The following SMG6 variants were observed in gnomAD, a reference collection of about 807,000 sequenced individuals.
SMG6 encodes SMG6 nonsense mediated mRNA decay factor, also known as telomerase-binding protein EST1A.
Under a neutral mutation model 142.2 loss-of-function variants are expected in SMG6, and 66 were observed. The ratio of observed to expected loss-of-function variants is 0.46; its 90% CI spans 0.38 to 0.57. The LOEUF is 0.57. Ranked by LOEUF, SMG6 falls within the 20% of genes least tolerant of loss-of-function variation. The pLI is 0.00. For synonymous variants in SMG6, 779 were observed against 702.4 expected (o/e 1.11, Z -1.72); for missense variants, 1,793 against 1,832.0 (o/e 0.98, Z 0.39).
chr17:2,203,434 A>G (rs2072591045), intron 10 of SMG6, among the ~76,000 whole-genome samples: 1 of 152,164 alleles, frequency 6.6e-6, no homozygotes, highest in African/African-American at 2.4e-5. Context: ...ATCTTGCAGG[A>G]CAGAGTTTCT....
chr17:2,073,187 G>C (rs185147983), intron 15 of SMG6, among the ~76,000 whole-genome samples: 1 of 151,970 alleles, frequency 6.6e-6, no homozygotes, highest in Non-Finnish European at 1.5e-5. Flanking sequence ...AGATTCAAGC[G>C]ATTCTCCTGC....
At chr17:2,062,885 T>C (rs963248090) in intron 18 of SMG6, 6 of 151,298 alleles carry the variant, frequency 4.0e-5, no homozygotes, top group African/African-American at 1.5e-4. Flanking sequence ...GTTTGTGGGG[T>C]TGGTGGTGGC....
intron 13 of SMG6, among the ~76,000 whole-genome samples, chr17:2,143,732 T>G (rs2070563659): frequency 6.6e-6 from 1 of 152,254 alleles, no homozygotes; most frequent in South Asian, 2.1e-4. Context: ...ATGTGAATCA[T>G]ATCTCAATAA....
intron 10 of SMG6, among the ~76,000 whole-genome samples, chr17:2,189,778 A>C (rs953106750): frequency 3.3e-5 from 5 of 151,922 alleles, no homozygotes; most frequent in African/African-American, 1.2e-4. Flanking sequence ...GCCCCAACCC[A>C]CTTCTGAAAG....
intron 13 of SMG6, among the ~76,000 whole-genome samples, chr17:2,150,135 C>T (rs555028939): frequency 5.3e-5 from 8 of 152,326 alleles, no homozygotes; most frequent in Middle Eastern, 3.4e-3. Context: ...GCCTGAGCTC[C>T]GCCTCCTGTC....
At chr17:2,250,367 T>C (rs2074019496) in intron 8 of SMG6, among the ~76,000 whole-genome samples, 1 of 151,890 alleles carries the variant, frequency 6.6e-6, no homozygotes, top group Non-Finnish European at 1.5e-5. Context: ...CTTATCTGTA[T>C]GGAATGTCTC....
At position 2,188,515 on chromosome 17, in the gene SMG6, T is replaced by A. The variant is rs755866476; in HGVS notation, c.2870A>T (p.Asp957Val). ...AGAGCGGCACTCCTCCGAGAAGCAGTCTGCGGACAGGCAAATGAAACTCTC... is the reference window on the plus strand; with the variant it reads ...AGAGCGGCACTCCTCCGAGAAGCAGACTGCGGACAGGCAAATGAAACTCTC... The part of the protein sequence containing the change: ...MFAVHNSQLK[D>V]CFSEECRSVI... Residue 957 changes from aspartate to valine, a missense_variant and splice_region_variant, in exon 11 of 19, where the codon GAC becomes GTC. Physicochemically the swap from Asp to Val is radical, Grantham distance 152. This residue lies in a region of SMG6 where 1,597 missense variants were observed against 1,584.6 expected (regional missense o/e 1.01). Transcript: ENST00000263073. The A allele has an allele frequency of 6.2e-7, 1 of 1,612,958 alleles. No homozygotes were observed. Among genetic ancestry groups the A allele is most frequent in the Non-Finnish European group, 8.5e-7 (1 of 1,179,624 alleles).
chr17:2,287,934 T>A (rs945280638), intron 6 of SMG6, among the ~76,000 whole-genome samples: 1 of 152,120 alleles, frequency 6.6e-6, no homozygotes, highest in Non-Finnish European at 1.5e-5. Context: ...GATATGGAGT[T>A]CCAGTTTTGT....
chr17:2,138,152 GA>G (rs36023293), intron 13 of SMG6, among the ~76,000 whole-genome samples: 9 of 145,018 alleles, frequency 6.2e-5, no homozygotes, highest in Admixed American at 6.9e-5. Context: ...TAGGAGGCAG[GA>G]AAAAAAAAAC....
chr17:2,158,326 A>C (rs1178267644), intron 13 of SMG6, among the ~76,000 whole-genome samples: 2 of 152,148 alleles, frequency 1.3e-5, no homozygotes, highest in Non-Finnish European at 2.9e-5. Flanking sequence ...TCTTCACTTT[A>C]GAGAGGGGTG....
Position 2,061,176 on chromosome 17 carries a change from A to C in SMG6, c.*316T>G. The C allele has an allele frequency of 1.5e-5, 4 of 267,692 alleles. No homozygotes were observed. The highest frequency in any genetic ancestry group is 7.4e-6 in the Non-Finnish European group (1 of 134,792). The allele number at this position is 267,692 out of a possible 1,614,324, so 16.6% of individuals were successfully genotyped here. On this transcript the variant is annotated 3_prime_UTR_variant, in exon 19 of 19. Transcript: ENST00000263073. ...GAGAAGGCCCTCCCTCAGCCTTGGA[A>C]TGAGACGGGGGAGGGAGAAAGGCTG...
intron 4 of SMG6, among the ~76,000 whole-genome samples, chr17:2,294,477 T>C (rs988105650): frequency 4.6e-5 from 7 of 152,310 alleles, no homozygotes; most frequent in Admixed American, 4.6e-4. Context: ...TCCCGGTCAC[T>C]TTCTGTACCT....
At chr17:2,260,687 T>A (rs552287992) in intron 8 of SMG6, among the ~76,000 whole-genome samples, 4 of 152,094 alleles carry the variant, frequency 2.6e-5, no homozygotes, top group East Asian at 1.9e-4. Context: ...TAGAAAAAAA[T>A]TTGAGTTTAG....
chr17:2,300,193 G>A lies in SMG6; in HGVS notation c.560C>T (p.Ala187Val), dbSNP rs749847056. ...VEEDECRGNVAKEEVANKPDR... is the reference protein window; with the variant it reads ...VEEDECRGNVVKEEVANKPDR... ...TGGTTTATTCGCAACTTCCTCCTTC[G>A]CAACATTTCCCCTACACTCATCTTC... The change falls in exon 2 of 19, where the codon GCG (alanine) becomes GTG (valine). Residue 187 changes from alanine (A) to valine (V), a missense_variant. Ala to Val is a moderately conservative substitution (Grantham distance 64). Around this residue, in one of 3 missense-constraint regions of SMG6, gnomAD observed 1,597 missense variants for 1,584.6 expected, o/e 1.01. Coordinates refer to ENST00000263073, the MANE Select transcript of SMG6 (RefSeq NM_017575.5). 5.9e-5 allele frequency: 96 copies of A among 1,613,448 alleles called. No individual in the cohort carries two copies. Among genetic ancestry groups the A allele is most frequent in the Non-Finnish European group, 6.9e-5 (81 of 1,179,888 alleles).
chr17:2,198,270 A>G (rs2072394373), intron 10 of SMG6, among the ~76,000 whole-genome samples: 1 of 152,220 alleles, frequency 6.6e-6, no homozygotes, highest in Admixed American at 6.5e-5. Context: ...CATCTATATA[A>G]TATTCTTGAA....
chr17:2,263,835 G>A (rs1289201426), intron 8 of SMG6, among the ~76,000 whole-genome samples: 1 of 152,162 alleles, frequency 6.6e-6, no homozygotes, highest in Non-Finnish European at 1.5e-5. Flanking sequence ...CTCTATCTTA[G>A]CTCAAATACA....
At chr17:2,152,221 T>C (rs923982935) in intron 13 of SMG6, among the ~76,000 whole-genome samples, 13 of 152,162 alleles carry the variant, frequency 8.5e-5, no homozygotes, top group African/African-American at 3.1e-4. Context: ...CAGAAATCTG[T>C]CTGGACAATT....
chr17:2,257,057 C>G (rs554638405), intron 8 of SMG6, among the ~76,000 whole-genome samples: 3 of 151,490 alleles, frequency 2.0e-5, no homozygotes, highest in Non-Finnish European at 4.4e-5. Flanking sequence ...CTCACTGCAA[C>G]CTCCACCTCC....
rs140434837 is a variant in SMG6, at chr17:2,274,102, T to C, written c.2661+8545A>G. On this transcript the variant is annotated intron_variant, in intron 8 of 18. Transcript: ENST00000263073. ...CTTTGTAAATAAAGTTTTAATGGAA[T>C]ACAGTCATGCTCATTCATTTACATA... Among the ~76,000 whole-genome samples, 94 of 152,370 alleles carry C rather than the reference T, an allele frequency of 6.2e-4. 1 individual carries two copies. Among genetic ancestry groups the C allele is most frequent in the African/African-American group, 2.1e-3 (87 of 41,592 alleles).
Sources: gnomAD v4.1 joint callset for allele counts (sites outside exome capture counted in the v4.1 genomes callset) on GRCh38, gnomAD v4.1.1 for gene constraint, gnomAD v4.1.1 regional missense constraint, MANE v1.5 for transcripts, NCBI Gene and HGNC (gene_info 2026-07-23, HGNC 2026-07-21) for gene names.